The following RAP1A variants were observed in gnomAD, a reference collection of about 807,000 sequenced individuals.
RAP1A encodes RAP1A, member of RAS oncogene family.
In RAP1A, 6 loss-of-function variants were observed where a neutral mutation model predicts 26.4. The observed-to-expected ratio is 0.23, with a 90% CI of 0.12 to 0.45. The LOEUF (loss-of-function observed/expected upper bound fraction) is 0.45. RAP1A is among the 20% of genes least tolerant of loss of function. RAP1A has a pLI of 0.99. For synonymous variants in RAP1A, 73 were observed against 79.4 expected (o/e 0.92, Z 0.43); for missense variants, 121 against 217.2 (o/e 0.56, Z 2.78).
chr1:111,571,312 C>G (rs1658044244), intron 1 of RAP1A, among the ~76,000 whole-genome samples: 1 of 152,200 alleles, frequency 6.6e-6, no homozygotes, highest in South Asian at 2.1e-4. Context: ...TTCACCAGCC[C>G]AGAAGCTTCC....
intron 1 of RAP1A, among the ~76,000 whole-genome samples, chr1:111,653,212 T>C (rs1405027627): frequency 6.6e-6 from 1 of 152,130 alleles, no homozygotes; most frequent in East Asian, 1.9e-4. Context: ...AGCAAATCTT[T>C]AGAGACAGTA....
intron 4 of RAP1A, among the ~76,000 whole-genome samples, chr1:111,698,248 A>G (rs530434392): frequency 5.9e-5 from 9 of 152,128 alleles, no homozygotes; most frequent in Middle Eastern, 3.4e-3. Context: ...ACATTAGGCA[A>G]TTCTTAGCTT....
intron 1 of RAP1A, among the ~76,000 whole-genome samples, chr1:111,667,012 A>G (rs993760697): frequency 2.0e-5 from 3 of 152,232 alleles, no homozygotes; most frequent in Non-Finnish European, 2.9e-5. Flanking sequence ...TCTTTACCCT[A>G]TGAGCAAAAG....
chr1:111,654,578 A>T (rs779218331), intron 1 of RAP1A, among the ~76,000 whole-genome samples: 3 of 152,196 alleles, frequency 2.0e-5, no homozygotes, highest in Non-Finnish European at 4.4e-5. Flanking sequence ...GGTGATTATA[A>T]TAATATTATA....
chr1:111,617,429 C>T (rs930117618), upstream of RAP1A, among the ~76,000 whole-genome samples: 5 of 152,126 alleles, frequency 3.3e-5, no homozygotes, highest in Non-Finnish European at 7.3e-5. Flanking sequence ...CTCTTGCCTT[C>T]TGTGTCATCA....
At chr1:111,704,580 A>C in intron 6 of RAP1A, 94 bp downstream of exon 6, 1 of 1,293,564 alleles carries the variant, frequency 7.7e-7, no homozygotes, top group South Asian at 1.8e-5. Context: ...TTATCTTTTA[A>C]GCAATCTTGA....
chr1:111,563,260 A>C (rs899363680), intron 1 of RAP1A, among the ~76,000 whole-genome samples: 7 of 152,026 alleles, frequency 4.6e-5, no homozygotes, highest in African/African-American at 1.7e-4. Flanking sequence ...AGGGCAAAAC[A>C]GTGAGATCCT....
chr1:111,653,542 G>C (rs1660346161), intron 1 of RAP1A, among the ~76,000 whole-genome samples: 1 of 152,026 alleles, frequency 6.6e-6, no homozygotes, highest in Non-Finnish European at 1.5e-5. Flanking sequence ...AGATTAGCTG[G>C]GCGTGGTGGC....
intron 1 of RAP1A, among the ~76,000 whole-genome samples, chr1:111,655,967 G>GGCTGA (rs990122743): frequency 6.6e-6 from 1 of 152,004 alleles, no homozygotes; most frequent in African/African-American, 2.4e-5. Context: ...TGGGATTACA[G>GGCTGA]GCTGAGCCAC....
intron 1 of RAP1A, among the ~76,000 whole-genome samples, chr1:111,633,519 A>T (rs995562622): frequency 6.6e-6 from 1 of 152,180 alleles, no homozygotes; most frequent in Non-Finnish European, 1.5e-5. Context: ...TTAGATTTTC[A>T]TATATTAGGT....
chr1:111,671,981 A>T (rs1234744617), intron 1 of RAP1A, among the ~76,000 whole-genome samples: 1 of 152,184 alleles, frequency 6.6e-6, no homozygotes, highest in East Asian at 1.9e-4. Context: ...ATTTCAGTCC[A>T]TTGAAATTTC....
chr1:111,642,830 G>A (rs1659938127), intron 1 of RAP1A, among the ~76,000 whole-genome samples: 1 of 134,916 alleles, frequency 7.4e-6, no homozygotes, highest in South Asian at 2.4e-4. Flanking sequence ...GTGTCGCCCA[G>A]GCTGGAGTGT....
In RAP1A at chr1:111,619,826, C is replaced by G; in HGVS notation, c.-136C>G. 2.5e-6 allele frequency: 1 copy of G among 399,144 alleles called. No homozygotes were observed. The allele number at this position is 399,144 out of a possible 1,614,324, so 24.7% of individuals were successfully genotyped here. The stretch of plus-strand genomic sequence containing the variant: ...GAGGCCCCTGCCGCCGCCGCTCCCG[C>G]TGCTGTCGCCGCGCAGAGCCGGAGC... On this transcript the variant is annotated 5_prime_UTR_variant, in exon 1 of 8. Transcript: ENST00000369709.
intron 1 of RAP1A, among the ~76,000 whole-genome samples, chr1:111,677,733 G>A (rs940117878): frequency 1.3e-5 from 2 of 152,052 alleles, no homozygotes; most frequent in Non-Finnish European, 2.9e-5. Context: ...CACAACCTGC[G>A]GTGCCTTTTA....
At chr1:111,637,450 T>C (rs1659759529) in intron 1 of RAP1A, among the ~76,000 whole-genome samples, 1 of 152,234 alleles carries the variant, frequency 6.6e-6, no homozygotes, top group South Asian at 2.1e-4. Flanking sequence ...ATATCTGTGT[T>C]TTATGCACTA....
chr1:111,604,529 T>G (rs1489026262), intron 1 of RAP1A: 4 of 152,174 alleles, frequency 2.6e-5, no homozygotes, highest in Admixed American at 6.5e-5. Flanking sequence ...AACAAAAAAG[T>G]CATCATTATC....
At chr1:111,636,274 G>A (rs889228699) in intron 1 of RAP1A, among the ~76,000 whole-genome samples, 11 of 152,090 alleles carry the variant, frequency 7.2e-5, no homozygotes, top group South Asian at 6.2e-4. Flanking sequence ...TTTAGTGCCC[G>A]GGGAAAGCCA....
chr1:111,629,073 G>C (rs1309734609), intron 1 of RAP1A, among the ~76,000 whole-genome samples: 1 of 152,026 alleles, frequency 6.6e-6, no homozygotes, highest in Non-Finnish European at 1.5e-5. Context: ...TCTTCTGCAT[G>C]TGGTTTTTGT....
intron 1 of RAP1A, chr1:111,627,618 G>C (rs1659439460): frequency 6.6e-6 from 1 of 151,912 alleles, no homozygotes; most frequent in Non-Finnish European, 1.5e-5. Flanking sequence ...TTCTTGGGTG[G>C]TAATAGCAGA....
Sources: gnomAD v4.1 joint callset for allele counts (sites outside exome capture counted in the v4.1 genomes callset) on GRCh38, gnomAD v4.1.1 for gene constraint, MANE v1.5 for transcripts, NCBI Gene and HGNC (gene_info 2026-07-23, HGNC 2026-07-21) for gene names.